ZNF608: variants seen among roughly 807,000 people sequenced by gnomAD.
The protein encoded by ZNF608 is zinc finger protein 608.
In ZNF608, 12 loss-of-function variants were observed where a neutral mutation model predicts 109.0. That is an observed-to-expected ratio of 0.11 (90% CI 0.07 to 0.18). ZNF608 has a LOEUF of 0.18. Ranked by LOEUF, ZNF608 falls within the 10% of genes least tolerant of loss-of-function variation. ZNF608 has a pLI of 1.00. For synonymous variants in ZNF608, 732 were observed against 717.4 expected (o/e 1.02, Z -0.33); for missense variants, 1,707 against 1,879.3 (o/e 0.91, Z 1.70).
intron 2 of ZNF608, chr5:124,710,208 GAAGA>G (rs1281235899): frequency 6.6e-6 from 3 of 455,900 alleles, no homozygotes; most frequent in South Asian, 1.6e-5. Context: ...ATGATTTTAA[GAAGA>G]AAGAAAGGCA....
At chr5:124,663,471 C>G (rs7704259) in intron 3 of ZNF608, among the ~76,000 whole-genome samples, 45,406 of 152,024 alleles carry the variant, frequency 0.3, 7,400 homozygotes, top group African/African-American at 0.43. Context: ...CGACAGGCTA[C>G]AATGTGAATG....
intron 2 of ZNF608, among the ~76,000 whole-genome samples, chr5:124,711,152 G>A (rs1753472684): frequency 6.6e-6 from 1 of 152,168 alleles, no homozygotes; most frequent in African/African-American, 2.4e-5. Context: ...ACAAAAAAAA[G>A]CTGCTTGCTC....
At chr5:124,641,594 C>G (rs1319624100) in intron 7 of ZNF608, among the ~76,000 whole-genome samples, 189 bp from the exon 8 acceptor site, 1 of 152,108 alleles carries the variant, frequency 6.6e-6, no homozygotes, top group East Asian at 1.9e-4. Flanking sequence ...TAAGCCAACA[C>G]AAAAGAACTA....
chr5:124,740,963 G>A (rs75051846), intron 2 of ZNF608, among the ~76,000 whole-genome samples: 5,229 of 152,250 alleles, frequency 0.034, 110 homozygotes, highest in Middle Eastern at 0.092. Flanking sequence ...TGGCTAGGAG[G>A]ATACATAAAG....
At chr5:124,643,778 A>G (rs1473139920) in intron 6 of ZNF608, 95 bp from the exon 7 acceptor site, 62 of 1,257,714 alleles carry the variant, frequency 4.9e-5, no homozygotes, top group Non-Finnish European at 6.0e-5. Context: ...AGTCAAAGAG[A>G]TCTTAAAATA....
intron 3 of ZNF608, among the ~76,000 whole-genome samples, chr5:124,685,722 C>A (rs1752385162): frequency 6.6e-6 from 1 of 152,076 alleles, no homozygotes; most frequent in African/African-American, 2.4e-5. Context: ...CGCGGCCAGC[C>A]CACCTGATCC....
chr5:124,741,940 G>C (rs1340330799), intron 2 of ZNF608, among the ~76,000 whole-genome samples: 1 of 152,102 alleles, frequency 6.6e-6, no homozygotes, highest in Non-Finnish European at 1.5e-5. Flanking sequence ...CCTTTGAGGG[G>C]CCCCTGTGCC....
At chr5:124,693,343 TA>T (rs1170528724) in intron 3 of ZNF608, among the ~76,000 whole-genome samples, 2 of 152,240 alleles carry the variant, frequency 1.3e-5, no homozygotes, top group South Asian at 4.1e-4. Context: ...ATTTTCTTAC[TA>T]ATTCCTTCTT....
intron 3 of ZNF608, among the ~76,000 whole-genome samples, chr5:124,681,405 T>C (rs1752191140): frequency 1.3e-5 from 2 of 152,024 alleles, no homozygotes; most frequent in African/African-American, 4.8e-5. Flanking sequence ...TTCAGTGAGC[T>C]GAGATTGTGC....
intron 2 of ZNF608, chr5:124,710,317 T>C (rs1466677800): frequency 4.7e-6 from 2 of 422,642 alleles, no homozygotes; most frequent in East Asian, 7.0e-5. Flanking sequence ...TTTTAGGGAA[T>C]CTCACTTGCA....
chr5:124,687,277 C>T (rs1012538945), intron 3 of ZNF608, among the ~76,000 whole-genome samples: 8 of 152,064 alleles, frequency 5.3e-5, no homozygotes, highest in African/African-American at 9.7e-5. Context: ...GACTCATCTC[C>T]GTAAATGAGA....
At chr5:124,711,135 G>C (rs1216678359) in intron 2 of ZNF608, among the ~76,000 whole-genome samples, 1 of 152,124 alleles carries the variant, frequency 6.6e-6, no homozygotes, top group Non-Finnish European at 1.5e-5. Context: ...TTCTCACAGA[G>C]GCCTACACAA....
At chr5:124,687,327 T>C (rs997667309) in intron 3 of ZNF608, among the ~76,000 whole-genome samples, 2 of 152,112 alleles carry the variant, frequency 1.3e-5, no homozygotes, top group African/African-American at 4.8e-5. Context: ...AACAGAAGGT[T>C]CTCCAGGCAA....
rs147361428 is a variant in ZNF608, at chr5:124,648,381, T to C, written c.2003A>G (p.Asn668Ser). The change falls in exon 5 of 10, where the codon AAT becomes AGT. Residue 668 changes from asparagine (N) to serine (S), a missense_variant. By Grantham distance (46) the Asn-to-Ser change is conservative. Coordinates refer to ENST00000513986, the MANE Select transcript of ZNF608 (RefSeq NM_020747.3). The stretch of plus-strand genomic sequence containing the variant: ...GATTACTGGAAGGTTGTTCAGTTCA[T>C]TGTTAAGGCCCTTCTTTTTGCCAGA... ...KNSGKKKGLN[N>S]ELNNLPVISN... 111 of 1,614,098 alleles carry C rather than the reference T, an allele frequency of 6.9e-5. No individual in the cohort carries two copies. The highest frequency in any genetic ancestry group is 9.2e-5 in the Non-Finnish European group (109 of 1,180,056).
intron 2 of ZNF608, among the ~76,000 whole-genome samples, chr5:124,713,340 A>G (rs543033713): frequency 1.3e-5 from 2 of 152,340 alleles, no homozygotes; most frequent in South Asian, 4.1e-4. Context: ...AAGGTCACCA[A>G]ATGATGGCCC....
At chr5:124,668,147 G>T (rs946830814) in intron 3 of ZNF608, among the ~76,000 whole-genome samples, 1 of 150,166 alleles carries the variant, frequency 6.7e-6, no homozygotes, top group Non-Finnish European at 1.5e-5. Context: ...GAGCTCAGGG[G>T]TTTGAGACCA....
chr5:124,656,394 T>C (rs951986530), intron 3 of ZNF608, among the ~76,000 whole-genome samples: 3 of 152,168 alleles, frequency 2.0e-5, no homozygotes, highest in Non-Finnish European at 4.4e-5. Context: ...GGCTGGAATA[T>C]GTTGGCATCA....
In ZNF608 at chr5:124,648,158, T is replaced by A. The variant is rs1242956178; in HGVS notation, c.2226A>T (p.Pro742=). 2.9e-6 allele frequency: 4 copies of A among 1,377,560 alleles called. No homozygotes were observed. In the African/African-American group the frequency reaches 4.4e-5, roughly 15 times the overall value. The allele number at this position is 1,377,560 out of a possible 1,614,324, so 85.3% of individuals were successfully genotyped here. A position where few individuals can be genotyped will look rare whatever the true frequency, so the allele number is the denominator to read the frequency against. The part of the protein sequence containing the change: ...LKSARPIAPA[P]APTPPQLIAI... ...CGATTAGCTGCGGGGGAGTGGGGGC[T>A]GGGGCAGGGGCAATGGGCCGGGCAC... The change falls in exon 5 of 10, where the codon CCA becomes CCT. Residue 742 remains proline (P), a synonymous_variant. Transcript: ENST00000513986.
chr5:124,690,485 G>A (rs1394452130), intron 3 of ZNF608, among the ~76,000 whole-genome samples: 1 of 152,174 alleles, frequency 6.6e-6, no homozygotes, highest in Non-Finnish European at 1.5e-5. Flanking sequence ...GGATATATGG[G>A]AAATTTTTGT....
Sources: allele counts gnomAD v4.1 joint callset (sites outside exome capture counted in the v4.1 genomes callset), GRCh38; gene constraint gnomAD v4.1.1; transcripts MANE v1.5; gene names NCBI Gene and HGNC (gene_info 2026-07-23, HGNC 2026-07-21).